LARGE1: variants seen among roughly 807,000 people sequenced by gnomAD.
LARGE1 encodes xylosyl- and glucuronyltransferase LARGE1.
A neutral mutation model predicts 87.6 loss-of-function variants in LARGE1; 43 were observed. That is an observed-to-expected ratio of 0.49 (90% CI 0.38 to 0.63). LARGE1 has a LOEUF of 0.63. Among genes scored for constraint, LARGE1 ranks in the 30% least tolerant of loss-of-function variants. LARGE1 has a pLI of 0.00. For synonymous variants in LARGE1, 434 were observed against 394.6 expected (o/e 1.10, Z -1.18); for missense variants, 802 against 1,000.2 (o/e 0.80, Z 2.67).
At chr22:33,175,563 A>G (rs1021645327) in intron 11 of LARGE1, among the ~76,000 whole-genome samples, 1 of 152,164 alleles carries the variant, frequency 6.6e-6, no homozygotes, top group African/African-American at 2.4e-5. Flanking sequence ...CAATTGCTAC[A>G]AAGAGAATAA....
intron 6 of LARGE1, among the ~76,000 whole-genome samples, chr22:33,433,455 G>T (rs569289416): frequency 1.1e-4 from 17 of 151,956 alleles, no homozygotes; most frequent in Admixed American, 2.0e-4. Context: ...AATTAGCCAG[G>T]CGTGGTGGCG....
intron 1 of LARGE1, among the ~76,000 whole-genome samples, chr22:33,797,163 A>G (rs1478079628): frequency 3.9e-5 from 6 of 152,090 alleles, no homozygotes; most frequent in African/African-American, 1.4e-4. Context: ...TGGACCCGTG[A>G]ATGGCTAGGT....
chr22:33,378,090 G>C (rs1448138697), intron 9 of LARGE1, among the ~76,000 whole-genome samples: 1 of 152,098 alleles, frequency 6.6e-6, no homozygotes, highest in Admixed American at 6.6e-5. Context: ...TTCCTTGTGT[G>C]TTTTGTGATT....
chr22:33,759,242 G>A (rs1168030629), intron 2 of LARGE1, among the ~76,000 whole-genome samples: 1 of 152,170 alleles, frequency 6.6e-6, no homozygotes, highest in East Asian at 1.9e-4. Flanking sequence ...AATCAATTTG[G>A]GTTGGCTTTC....
intron 11 of LARGE1, among the ~76,000 whole-genome samples, chr22:33,243,103 G>T (rs9619336): frequency 0.027 from 4,147 of 152,296 alleles, 194 homozygotes; most frequent in African/African-American, 0.095. Flanking sequence ...GTCACATTCT[G>T]AGGTAGCAAG....
intron 5 of LARGE1, among the ~76,000 whole-genome samples, chr22:33,587,735 AT>A (rs5845098): frequency 0.61 from 90,167 of 147,880 alleles, 27,796 homozygotes; most frequent in African/African-American, 0.78. Context: ...TTCCTTTAAG[AT>A]TTTTTTTTTT....
intron 11 of LARGE1, among the ~76,000 whole-genome samples, chr22:33,179,238 G>A (rs925784337): frequency 6.6e-6 from 1 of 152,136 alleles, no homozygotes; most frequent in African/African-American, 2.4e-5. Flanking sequence ...TGCAGCTATG[G>A]GGGCAAAAGC....
At chr22:33,277,348 T>A (rs916356927) in intron 13 of LARGE1, 93 bp from the exon 14 acceptor site, 1 of 1,216,444 alleles carries the variant, frequency 8.2e-7, no homozygotes, top group Non-Finnish European at 1.2e-6. Flanking sequence ...TGTACACTGA[T>A]GTAGTCCTCG....
chr22:33,317,101 C>A (rs1427736715), intron 10 of LARGE1, among the ~76,000 whole-genome samples: 1 of 152,104 alleles, frequency 6.6e-6, no homozygotes, highest in Non-Finnish European at 1.5e-5. Context: ...GTAATCCCAC[C>A]TACTCAGGAG....
At chr22:33,660,010 A>G (rs2081073568) in intron 2 of LARGE1, among the ~76,000 whole-genome samples, 1 of 151,674 alleles carries the variant, frequency 6.6e-6, no homozygotes, top group South Asian at 2.1e-4. Context: ...ACGAGCAATG[A>G]TACCAGTTTT....
chr22:33,611,256 T>G (rs1189574745), intron 4 of LARGE1, among the ~76,000 whole-genome samples: 1 of 152,230 alleles, frequency 6.6e-6, no homozygotes, highest in African/African-American at 2.4e-5. Flanking sequence ...ACCTTTGTGC[T>G]TGGAAAAGCA....
At chr22:33,410,231 C>T (rs755359614) in intron 7 of LARGE1, among the ~76,000 whole-genome samples, 1 of 152,132 alleles carries the variant, frequency 6.6e-6, no homozygotes, top group Non-Finnish European at 1.5e-5. Flanking sequence ...ATTTAGTAGA[C>T]AGCACGACGT....
chr22:33,433,859 A>T (rs1377157680), intron 6 of LARGE1, among the ~76,000 whole-genome samples: 1 of 152,194 alleles, frequency 6.6e-6, no homozygotes, highest in Non-Finnish European at 1.5e-5. Context: ...CCTTGGTATG[A>T]TGACAGCTCC....
chr22:33,304,967 A>G (rs747071727), intron 11 of LARGE1, among the ~76,000 whole-genome samples: 3 of 152,190 alleles, frequency 2.0e-5, no homozygotes, highest in African/African-American at 2.4e-5. Context: ...CAAGAGCTAC[A>G]ACAACTATAA....
At chr22:33,066,953 C>T in the LARGE1 span, among the ~76,000 whole-genome samples, 1 of 152,064 alleles carries the variant, frequency 6.6e-6, no homozygotes, top group Non-Finnish European at 1.5e-5. Flanking sequence ...TGCTTCCAGT[C>T]CTTTGTGTCG....
chr22:33,671,473 T>C (rs2081410700), intron 2 of LARGE1, among the ~76,000 whole-genome samples: 1 of 152,208 alleles, frequency 6.6e-6, no homozygotes, highest in Admixed American at 6.5e-5. Context: ...CTACAATTAG[T>C]CAATCTACAG....
intron 11 of LARGE1, among the ~76,000 whole-genome samples, chr22:33,203,641 C>T (rs1250949945): frequency 1.3e-5 from 2 of 152,112 alleles, no homozygotes; most frequent in South Asian, 2.1e-4. Context: ...GATGATAGAA[C>T]GCATGCTAGG....
chr22:33,174,768 T>C (rs1456855485), intron 11 of LARGE1, among the ~76,000 whole-genome samples: 4 of 152,082 alleles, frequency 2.6e-5, no homozygotes, highest in Non-Finnish European at 5.9e-5. Context: ...CCTGGACACA[T>C]ACACCCTCCC....
chr22:33,111,538 A>C, the LARGE1 span, among the ~76,000 whole-genome samples: 236 of 152,244 alleles, frequency 1.6e-3, 1 homozygote, highest in African/African-American at 5.3e-3. Flanking sequence ...CCTTTCCCCT[A>C]GCTGATTGGA....
Sources: allele counts gnomAD v4.1 joint callset (sites outside exome capture counted in the v4.1 genomes callset), GRCh38; gene constraint gnomAD v4.1.1; transcripts MANE v1.5; gene names NCBI Gene and HGNC (gene_info 2026-07-23, HGNC 2026-07-21).